Variants in SLC35F1 observed in about 807,000 individuals in gnomAD.
SLC35F1 encodes solute carrier family 35 member F1.
Under a neutral mutation model 48.7 loss-of-function variants are expected in SLC35F1, and 14 were observed. The ratio of observed to expected loss-of-function variants is 0.29; its 90% CI spans 0.19 to 0.45. The LOEUF (loss-of-function observed/expected upper bound fraction) is 0.45, where lower values mean the gene tolerates loss of function less well. SLC35F1 is among the 20% of genes least tolerant of loss of function. The pLI is 1.00. For synonymous variants in SLC35F1, 190 were observed against 202.2 expected (o/e 0.94, Z 0.51); for missense variants, 404 against 500.0 (o/e 0.81, Z 1.83).
At chr6:118,111,338 A>G (rs1241162656) in intron 1 of SLC35F1, among the ~76,000 whole-genome samples, 2 of 152,200 alleles carry the variant, frequency 1.3e-5, no homozygotes, top group African/African-American at 4.8e-5. Context: ...TCTTGAGAGA[A>G]GTCAGAGGGG....
chr6:118,161,129 AG>A (rs1774225256), intron 2 of SLC35F1, among the ~76,000 whole-genome samples: 9 of 152,184 alleles, frequency 5.9e-5, no homozygotes, highest in African/African-American at 2.2e-4. Flanking sequence ...TAGGCCTATC[AG>A]ATAGCCACAA....
At chr6:117,923,581 G>A (rs1234195369) in intron 1 of SLC35F1, among the ~76,000 whole-genome samples, 2 of 54,962 alleles carry the variant, frequency 3.6e-5, no homozygotes, top group East Asian at 6.0e-4. Flanking sequence ...ACATATGTGT[G>A]TGTATATATA....
intron 1 of SLC35F1, among the ~76,000 whole-genome samples, chr6:118,009,913 A>G (rs1777222852): frequency 6.6e-6 from 1 of 152,184 alleles, no homozygotes; most frequent in Non-Finnish European, 1.5e-5. Flanking sequence ...CCTTCCTGAC[A>G]AAGAAGTTTC....
At position 118,095,096 on chromosome 6, in the gene SLC35F1, C is replaced by A. The variant is rs118187984; in HGVS notation, c.174-59349C>A. 4.7e-3 allele frequency among the ~76,000 whole-genome samples: 718 copies of A among 152,324 alleles called. 4 individuals carry two copies. The highest frequency in any genetic ancestry group is 0.011 in the Admixed American group (174 of 15,298). On this transcript the variant is annotated intron_variant, in intron 1 of 7. Coordinates refer to ENST00000360388, the MANE Select transcript of SLC35F1 (RefSeq NM_001029858.4). ...GCAGTGAGCCAAGATTGTGCCACTG[C>A]ACTCTAGCCTGGGCAATGGAGTAGG... is the stretch of plus-strand genomic sequence containing the variant.
chr6:118,243,658 T>G (rs1307454496), intron 3 of SLC35F1, among the ~76,000 whole-genome samples: 1 of 152,142 alleles, frequency 6.6e-6, no homozygotes, highest in Non-Finnish European at 1.5e-5. Context: ...TCAAGAAGTA[T>G]GACAGATGAC....
intron 3 of SLC35F1, among the ~76,000 whole-genome samples, chr6:118,239,740 C>T (rs549105446): frequency 1.2e-4 from 19 of 152,128 alleles, no homozygotes; most frequent in Admixed American, 2.0e-4. Flanking sequence ...TCTATGAAAA[C>T]GTTTATTTTA....
intron 2 of SLC35F1, among the ~76,000 whole-genome samples, chr6:118,190,928 G>A (rs1014734136): frequency 2.6e-5 from 4 of 152,012 alleles, no homozygotes; most frequent in East Asian, 1.9e-4. Flanking sequence ...TTCCTGTTTC[G>A]CCAATTCTAT....
chr6:118,287,704 C>T (rs1776067791), intron 7 of SLC35F1, among the ~76,000 whole-genome samples: 1 of 152,168 alleles, frequency 6.6e-6, no homozygotes, highest in African/African-American at 2.4e-5. Flanking sequence ...CGAACAGTGC[C>T]TGTTCCTGTC....
intron 1 of SLC35F1, among the ~76,000 whole-genome samples, chr6:117,911,268 C>T (rs2760238): frequency 0.11 from 16,150 of 152,134 alleles, 2,040 homozygotes; most frequent in African/African-American, 0.3. Flanking sequence ...ATGCAAGAAA[C>T]ATGACAATTT....
intron 1 of SLC35F1, among the ~76,000 whole-genome samples, chr6:118,069,131 C>T (rs1008794683): frequency 6.6e-6 from 1 of 152,122 alleles, no homozygotes; most frequent in East Asian, 1.9e-4. Context: ...ATTTCAAATT[C>T]TATCAGCATG....
At chr6:117,998,569 A>G (rs1777036388) in intron 1 of SLC35F1, among the ~76,000 whole-genome samples, 1 of 152,218 alleles carries the variant, frequency 6.6e-6, no homozygotes, top group Non-Finnish European at 1.5e-5. Context: ...AATTATAACA[A>G]ACTATCTCTC....
At chr6:118,013,570 C>T (rs1348103616) in intron 1 of SLC35F1, among the ~76,000 whole-genome samples, 1 of 152,036 alleles carries the variant, frequency 6.6e-6, no homozygotes, top group African/African-American at 2.4e-5. Flanking sequence ...CAATATCTAC[C>T]CCACCTTTTG....
rs796081863 is a variant in SLC35F1, at chr6:117,923,717, A to G, written c.173+15818A>G. ...TACATATACATATATGTACATATAT[A>G]CATATATACATATGTATATATACAT... is the stretch of plus-strand genomic sequence containing the variant. On this transcript the variant is annotated intron_variant, in intron 1 of 7. Coordinates refer to ENST00000360388, the MANE Select transcript of SLC35F1 (RefSeq NM_001029858.4). Among the ~76,000 whole-genome samples the G allele has an allele frequency of 6.4e-3, 257 of 40,450 alleles. 78 individuals carry two copies. The highest frequency in any genetic ancestry group is 0.062 in the Middle Eastern group (2 of 32). 26.5% of individuals were successfully genotyped at this position (40,450 alleles called of 152,430 possible).
intron 2 of SLC35F1, among the ~76,000 whole-genome samples, chr6:118,218,936 C>A (rs1229956787): frequency 2.0e-5 from 3 of 152,116 alleles, no homozygotes; most frequent in Non-Finnish European, 4.4e-5. Context: ...AAGAATAGAA[C>A]CATTTTTCAA....
intron 1 of SLC35F1, among the ~76,000 whole-genome samples, chr6:118,122,394 C>G (rs886665888): frequency 7.2e-5 from 11 of 152,228 alleles, no homozygotes; most frequent in African/African-American, 2.4e-4. Context: ...TGAAAGAATT[C>G]AGTACCAAGC....
At chr6:117,932,127 C>G (rs892853081) in intron 1 of SLC35F1, among the ~76,000 whole-genome samples, 1 of 151,982 alleles carries the variant, frequency 6.6e-6, no homozygotes, top group Non-Finnish European at 1.5e-5. Flanking sequence ...TCTTTTTTGC[C>G]CTCCCACTGT....
At chr6:118,212,118 G>A (rs2114549720) in intron 2 of SLC35F1, among the ~76,000 whole-genome samples, 1 of 152,154 alleles carries the variant, frequency 6.6e-6, no homozygotes, top group South Asian at 2.1e-4. Context: ...CCAAGAGCTG[G>A]GCATGTCATT....
At chr6:118,041,821 A>G in intron 1 of SLC35F1, among the ~76,000 whole-genome samples, 1 of 152,156 alleles carries the variant, frequency 6.6e-6, no homozygotes, top group East Asian at 1.9e-4. Context: ...GAGTGGAGTC[A>G]GGGATTGGAA....
Position 118,045,332 on chromosome 6 carries a change from G to A in SLC35F1, c.174-109113G>A, listed in dbSNP as rs1356786504. Among the ~76,000 whole-genome samples the A allele has an allele frequency of 2.0e-5, 3 of 152,156 alleles. No individual in the cohort carries two copies. In the South Asian group the frequency reaches 6.2e-4, roughly 31 times the overall value. ...CTGTTAGCTATGAACATACTTGTCA[G>A]TTGCCAGAGTTAAGAAGGTCTCAGG... On this transcript the variant is annotated intron_variant, in intron 1 of 7. Transcript: ENST00000360388.
Sources: gnomAD v4.1 joint callset for allele counts (sites outside exome capture counted in the v4.1 genomes callset) on GRCh38, gnomAD v4.1.1 for gene constraint, MANE v1.5 for transcripts, NCBI Gene and HGNC (gene_info 2026-07-23, HGNC 2026-07-21) for gene names.